DGAT2: variants seen among roughly 807,000 people sequenced by gnomAD.
The protein encoded by DGAT2 is acyl-CoA retinol O-fatty-acyltransferase.
In DGAT2, 33 loss-of-function variants were observed where a neutral mutation model predicts 48.4. The ratio of observed to expected loss-of-function variants is 0.68; its 90% CI spans 0.52 to 0.91. The LOEUF (loss-of-function observed/expected upper bound fraction) is 0.91. DGAT2 is among the 40% of genes least tolerant of loss of function. The probability of loss-of-function intolerance (pLI) is 0.00; values close to 1 mark genes in which losing one functional copy is unlikely to be tolerated. For missense variants in DGAT2, 446 were observed against 493.7 expected (o/e 0.90, Z 0.92); for synonymous variants, 191 against 194.1 (o/e 0.98, Z 0.13).
intron 2 of DGAT2, among the ~76,000 whole-genome samples, chr11:75,785,724 G>A (rs1199306811): frequency 2.0e-5 from 3 of 152,224 alleles, no homozygotes; most frequent in Admixed American, 6.5e-5. Flanking sequence ...GACTGTATAG[G>A]CTGGTAGGGG....
chr11:75,786,253 A>AGT (rs1944921607), intron 2 of DGAT2, among the ~76,000 whole-genome samples: 1 of 152,180 alleles, frequency 6.6e-6, no homozygotes, highest in African/African-American at 2.4e-5. Flanking sequence ...AGAATCCTAG[A>AGT]GTAGTGAGCA....
intron 4 of DGAT2, among the ~76,000 whole-genome samples, chr11:75,790,959 G>T (rs1166520189): frequency 2.0e-5 from 3 of 152,242 alleles, no homozygotes; most frequent in African/African-American, 7.2e-5. Context: ...TTGGCTTTCA[G>T]TCTCAGCTCT....
intron 2 of DGAT2, among the ~76,000 whole-genome samples, chr11:75,788,743 C>T (rs958238767): frequency 6.6e-6 from 1 of 152,190 alleles, no homozygotes; most frequent in African/African-American, 2.4e-5. Context: ...GGCCTCCCTT[C>T]TTGGGCAGTG....
intron 1 of DGAT2, among the ~76,000 whole-genome samples, chr11:75,771,585 C>T (rs1020370434): frequency 1.3e-5 from 2 of 152,132 alleles, no homozygotes; most frequent in African/African-American, 2.4e-5. Context: ...TGGAGTTCCA[C>T]ATCACTGTGG....
In DGAT2 at chr11:75,784,867, C is replaced by T. The variant is rs569690700; in HGVS notation, c.250+121C>T. On this transcript the variant is annotated intron_variant, in intron 2 of 7. Coordinates refer to ENST00000228027, the MANE Select transcript of DGAT2 (RefSeq NM_032564.5). ...TAAGAGTAACTCTTACACATGCTGC[C>T]CCACAGCACCTTTCCACATCTATCT... 1.3e-5 allele frequency: 17 copies of T among 1,328,246 alleles called. No homozygotes were observed. In the South Asian group the frequency reaches 2.3e-4, roughly 18 times the overall value. The allele number at this position is 1,328,246 out of a possible 1,614,324, so 82.3% of individuals were successfully genotyped here. A position where few individuals can be genotyped will look rare whatever the true frequency, so the allele number is the denominator to read the frequency against.
intron 7 of DGAT2, among the ~76,000 whole-genome samples, chr11:75,799,529 C>G (rs758947565): frequency 2.6e-5 from 4 of 151,986 alleles, no homozygotes; most frequent in Non-Finnish European, 5.9e-5. Flanking sequence ...TATGGAGATG[C>G]AGCAGGATAA....
intron 2 of DGAT2, among the ~76,000 whole-genome samples, chr11:75,789,002 C>T (rs1348629253): frequency 6.6e-6 from 1 of 152,176 alleles, no homozygotes; most frequent in African/African-American, 2.4e-5. Context: ...CAGCTAGTGG[C>T]GAGCCATGAG....
chr11:75,768,830 T>C lies in DGAT2; in HGVS notation c.-162T>C. ...TAGGCTGTTTCTCTCGCGCCACCAC[T>C]GGCCGCCGGCCGCAGCTCCAGGTGT... On this transcript the variant is annotated 5_prime_UTR_variant, in exon 1 of 8. Coordinates refer to ENST00000228027, the MANE Select transcript of DGAT2 (RefSeq NM_032564.5). The C allele has an allele frequency of 1.1e-6, 1 of 944,046 alleles. No homozygotes were observed. The highest frequency in any genetic ancestry group is 1.4e-6 in the Non-Finnish European group (1 of 700,462). The allele number at this position is 944,046 out of a possible 1,614,324, so 58.5% of individuals were successfully genotyped here.
intron 2 of DGAT2, among the ~76,000 whole-genome samples, chr11:75,785,243 TGTGAGGAAA>T (rs947589396): frequency 5.3e-5 from 8 of 152,142 alleles, no homozygotes; most frequent in African/African-American, 1.9e-4. Context: ...TCATTTTGAG[TGTGAGGAAA>T]GTGCCTGCTT....
intron 4 of DGAT2, among the ~76,000 whole-genome samples, chr11:75,791,595 A>G (rs1944991011): frequency 6.6e-6 from 1 of 152,180 alleles, no homozygotes; most frequent in South Asian, 2.1e-4. Context: ...CATTGCAACC[A>G]CCATCCAGGC....
chr11:75,792,287 A>AGG (rs1450371572), intron 4 of DGAT2: 1 of 152,260 alleles, frequency 6.6e-6, no homozygotes, highest in East Asian at 1.9e-4. Context: ...TGGCCCTGTG[A>AGG]GGGCTCCCTG....
chr11:75,800,065 G>C (rs985625565), intron 7 of DGAT2, among the ~76,000 whole-genome samples: 8 of 152,166 alleles, frequency 5.3e-5, no homozygotes, highest in Non-Finnish European at 1.2e-4. Flanking sequence ...ATGTTTACTT[G>C]ATCCCCTGAC....
intron 4 of DGAT2, chr11:75,796,113 C>G (rs1945048776): frequency 1.7e-6 from 1 of 588,090 alleles, no homozygotes; most frequent in Middle Eastern, 4.8e-4. Context: ...ATTGCCCACC[C>G]CTTCCCAGAG....
intron 1 of DGAT2, among the ~76,000 whole-genome samples, chr11:75,780,710 A>G (rs1308880751): frequency 6.6e-6 from 1 of 152,222 alleles, no homozygotes; most frequent in Non-Finnish European, 1.5e-5. Context: ...GGGACATGCA[A>G]CATCGGAGCA....
At chr11:75,779,442 T>G (rs980091592) in intron 1 of DGAT2, among the ~76,000 whole-genome samples, 2 of 152,166 alleles carry the variant, frequency 1.3e-5, no homozygotes, top group African/African-American at 2.4e-5. Flanking sequence ...TTTTGCCTCT[T>G]TGGGCTTCAC....
intron 2 of DGAT2, among the ~76,000 whole-genome samples, chr11:75,785,366 A>C (rs1944910514): frequency 1.3e-5 from 2 of 152,226 alleles, no homozygotes; most frequent in Admixed American, 1.3e-4. Flanking sequence ...AGGTGCCCTC[A>C]GACCCCACTC....
intron 1 of DGAT2, among the ~76,000 whole-genome samples, chr11:75,769,817 G>T (rs1306851698): frequency 6.6e-6 from 1 of 152,048 alleles, no homozygotes; most frequent in African/African-American, 2.4e-5. Flanking sequence ...CTTGACCCCT[G>T]GATTCAAGTA....
At chr11:75,772,486 T>C (rs1944768261) in intron 1 of DGAT2, among the ~76,000 whole-genome samples, 1 of 152,204 alleles carries the variant, frequency 6.6e-6, no homozygotes, top group Non-Finnish European at 1.5e-5. Flanking sequence ...ATATGCTGCC[T>C]GTCTGCCCAG....
chr11:75,771,826 T>C (rs1944760952), intron 1 of DGAT2, among the ~76,000 whole-genome samples: 1 of 152,110 alleles, frequency 6.6e-6, no homozygotes, highest in South Asian at 2.1e-4. Context: ...AAGAGTAATG[T>C]TGTATTAACA....
Sources: allele counts gnomAD v4.1 joint callset (sites outside exome capture counted in the v4.1 genomes callset), GRCh38; gene constraint gnomAD v4.1.1; transcripts MANE v1.5; gene names NCBI Gene and HGNC (gene_info 2026-07-23, HGNC 2026-07-21).